KLF12: variants seen among roughly 807,000 people sequenced by gnomAD.
The protein encoded by KLF12 is KLF transcription factor 12.
A neutral mutation model predicts 37.8 loss-of-function variants in KLF12; 9 were observed. The observed-to-expected ratio is 0.24, with a 90% CI of 0.14 to 0.42. The LOEUF (loss-of-function observed/expected upper bound fraction) is 0.42, where lower values mean the gene tolerates loss of function less well. Ranked by LOEUF, KLF12 falls within the 10% of genes least tolerant of loss-of-function variation. KLF12 has a pLI of 1.00. For synonymous variants in KLF12, 208 were observed against 202.1 expected (o/e 1.03, Z -0.25); for missense variants, 411 against 516.0 (o/e 0.80, Z 1.97).
chr13:74,137,223 G>A (rs932547776), upstream of KLF12, among the ~76,000 whole-genome samples: 1 of 152,174 alleles, frequency 6.6e-6, no homozygotes, highest in African/African-American at 2.4e-5. Context: ...TGAAAAGTCA[G>A]AAAATGTAAA....
intron 7 of KLF12, among the ~76,000 whole-genome samples, chr13:73,705,744 G>GA (rs1281933408): frequency 1.3e-5 from 2 of 152,184 alleles, no homozygotes; most frequent in African/African-American, 4.8e-5. Context: ...AGAGAAAGTA[G>GA]AAAGACTGAA....
At chr13:73,838,226 G>A (rs1157643052) in intron 4 of KLF12, among the ~76,000 whole-genome samples, 1 of 152,158 alleles carries the variant, frequency 6.6e-6, no homozygotes, top group Non-Finnish European at 1.5e-5. Flanking sequence ...TAACCAGCAT[G>A]AGACTAAAAA....
chr13:73,700,607 C>T (rs938024389), intron 7 of KLF12, among the ~76,000 whole-genome samples: 1 of 151,864 alleles, frequency 6.6e-6, no homozygotes, highest in Admixed American at 6.6e-5. Context: ...ACAATATCTT[C>T]AATTCTCTCC....
chr13:74,137,873 G>A (rs1878603921), upstream of KLF12, among the ~76,000 whole-genome samples: 1 of 152,188 alleles, frequency 6.6e-6, no homozygotes, highest in Non-Finnish European at 1.5e-5. Context: ...CGATTCTCCT[G>A]CCTCAGACTC....
chr13:73,966,815 G>A (rs1385429550), intron 2 of KLF12, among the ~76,000 whole-genome samples: 1 of 152,160 alleles, frequency 6.6e-6, no homozygotes, highest in African/African-American at 2.4e-5. Flanking sequence ...TCAAATGTTA[G>A]TTAATATTCC....
At chr13:74,199,056 C>T in the KLF12 span, among the ~76,000 whole-genome samples, 1,004 of 152,266 alleles carry the variant, frequency 6.6e-3, 8 homozygotes, top group African/African-American at 0.021. Context: ...TGAGAACAGC[C>T]CATGAGTCCA....
rs1056995633 is a variant in KLF12 at position 74,036,862 on chromosome 13, G to A, written c.-31-41809C>T. On this transcript the variant is annotated intron_variant, in intron 1 of 7. Transcript: ENST00000377669. Reference sequence around the variant, plus strand: ...ATTTTGATAAATTTATAAACCAAGTGTAAACTTGACCATGTTGTCTGTTTT... The same window carrying A: ...ATTTTGATAAATTTATAAACCAAGTATAAACTTGACCATGTTGTCTGTTTT... 4.6e-5 allele frequency among the ~76,000 whole-genome samples: 7 copies of A among 152,322 alleles called. 1 individual carries two copies. In the South Asian group the frequency reaches 1.2e-3, roughly 27 times the overall value.
chr13:73,957,100 G>A (rs557527783), intron 2 of KLF12, among the ~76,000 whole-genome samples: 13 of 111,206 alleles, frequency 1.2e-4, no homozygotes, highest in Admixed American at 4.5e-4. Flanking sequence ...GGAAAGGAAA[G>A]GAAAGAAAGG....
At chr13:74,268,069 C>A in the KLF12 span, among the ~76,000 whole-genome samples, 1 of 152,128 alleles carries the variant, frequency 6.6e-6, no homozygotes, top group South Asian at 2.1e-4. Context: ...GACTTCTGGA[C>A]CCCGGAACTG....
intron 5 of KLF12, among the ~76,000 whole-genome samples, chr13:73,781,095 G>A (rs1880937084): frequency 6.6e-6 from 1 of 152,192 alleles, no homozygotes; most frequent in South Asian, 2.1e-4. Context: ...TCTTCAGAGG[G>A]TCATAATGTT....
intron 2 of KLF12, among the ~76,000 whole-genome samples, chr13:73,950,103 T>C (rs1231129533): frequency 6.6e-6 from 1 of 152,232 alleles, no homozygotes; most frequent in Non-Finnish European, 1.5e-5. Context: ...ATGCAGCAAT[T>C]TTTAATTTCC....
intron 3 of KLF12, among the ~76,000 whole-genome samples, chr13:73,893,809 T>C (rs573041571): frequency 6.6e-6 from 1 of 151,954 alleles, no homozygotes; most frequent in African/African-American, 2.4e-5. Context: ...GGTAGGTAAG[T>C]AGAGGAAATT....
intron 6 of KLF12, among the ~76,000 whole-genome samples, chr13:73,727,119 TTG>T (rs1491426487): frequency 1.3e-5 from 2 of 150,146 alleles, no homozygotes; most frequent in African/African-American, 5.0e-5. Context: ...GTAAACTGTT[TTG>T]TTTTTTTATT....
chr13:73,723,324 G>A (rs1305804216), intron 6 of KLF12, among the ~76,000 whole-genome samples: 2 of 152,146 alleles, frequency 1.3e-5, no homozygotes, highest in Admixed American at 6.5e-5. Flanking sequence ...AGGATGAAAC[G>A]AGGGTTCTGA....
At chr13:73,786,291 G>T (rs958801722) in intron 5 of KLF12, among the ~76,000 whole-genome samples, 1 of 152,066 alleles carries the variant, frequency 6.6e-6, no homozygotes, top group Non-Finnish European at 1.5e-5. Context: ...TCTATTATCA[G>T]CAACCAAGAA....
chr13:74,242,531 C>A, the KLF12 span, among the ~76,000 whole-genome samples: 1 of 152,186 alleles, frequency 6.6e-6, no homozygotes, highest in Non-Finnish European at 1.5e-5. Flanking sequence ...GTCCCTCCCA[C>A]AATACATGGG....
At chr13:73,896,042 GA>G (rs1213317307) in intron 3 of KLF12, among the ~76,000 whole-genome samples, 9 of 152,116 alleles carry the variant, frequency 5.9e-5, no homozygotes, top group African/African-American at 2.2e-4. Context: ...GGCTGGTCTT[GA>G]ACTCTGACCT....
At chr13:74,282,934 A>G in the KLF12 span, among the ~76,000 whole-genome samples, 1 of 152,194 alleles carries the variant, frequency 6.6e-6, no homozygotes, top group African/African-American at 2.4e-5. Flanking sequence ...TATTTTCTCT[A>G]TGCTCATATT....
upstream of KLF12, among the ~76,000 whole-genome samples, chr13:74,138,876 C>A (rs937134820): frequency 2.4e-4 from 37 of 152,178 alleles, no homozygotes; most frequent in African/African-American, 8.0e-4. Flanking sequence ...ATACCTCATA[C>A]TTTCCCCTCC....
Sources: gnomAD v4.1 joint callset for allele counts (sites outside exome capture counted in the v4.1 genomes callset) on GRCh38, gnomAD v4.1.1 for gene constraint, MANE v1.5 for transcripts, NCBI Gene and HGNC (gene_info 2026-07-23, HGNC 2026-07-21) for gene names.